DAPK3: variants seen among roughly 807,000 people sequenced by gnomAD.
The protein encoded by DAPK3 is death associated protein kinase 3.
DAPK3 carries 24 observed loss-of-function variants against 30.6 expected under a neutral mutation model. That is an observed-to-expected ratio of 0.78 (90% CI 0.57 to 1.10). The LOEUF (loss-of-function observed/expected upper bound fraction) is 1.10. DAPK3 is among the 50% of genes least tolerant of loss of function. The pLI, the probability that DAPK3 is intolerant of heterozygous loss-of-function variation, is 0.00. For synonymous variants in DAPK3, 341 were observed against 284.0 expected (o/e 1.20, Z -2.02); for missense variants, 629 against 657.3 (o/e 0.96, Z 0.47).
At chr19:3,963,134 A>G (rs923012094) in intron 6 of DAPK3, among the ~76,000 whole-genome samples, 4 of 151,118 alleles carry the variant, frequency 2.6e-5, no homozygotes, top group African/African-American at 7.3e-5. Flanking sequence ...GCATGGGAGC[A>G]TGGTTGTGTG....
chr19:3,964,406 C>G (rs779855582), intron 3 of DAPK3, 33 bp from the exon 4 acceptor site: 5 of 1,594,062 alleles, frequency 3.1e-6, no homozygotes, highest in Non-Finnish European at 4.3e-6. Context: ...AGGGAAAGCA[C>G]GGGCCTCCCC....
Position 3,959,768 on chromosome 19 carries a change from C to T in DAPK3, c.829-131G>A, listed in dbSNP as rs754866233. 5.2e-5 allele frequency: 57 copies of T among 1,091,490 alleles called. 1 individual carries two copies. Among genetic ancestry groups the T allele is most frequent in the Non-Finnish European group, 6.5e-5 (51 of 784,652 alleles). 67.6% of individuals were successfully genotyped at this position (1,091,490 alleles called of 1,614,324 possible). On this transcript the variant is annotated intron_variant, in intron 8 of 8. Coordinates refer to ENST00000545797, the MANE Select transcript of DAPK3 (RefSeq NM_001348.3). ...GTCAACGCCTCGTGACGGAGACTGC[C>T]CAGCCCGACGCAAAGCCGAGAGTGC...
At chr19:3,970,067 ACT>A (rs956518565) in intron 1 of DAPK3, 1 of 335,112 alleles carries the variant, frequency 3.0e-6, no homozygotes, top group Non-Finnish European at 5.5e-6. Flanking sequence ...ACCCCGCAAA[ACT>A]CTCTCCAGAC....
chr19:3,959,972 C>CA, intron 8 of DAPK3, 87 bp downstream of exon 8: 5 of 831,110 alleles, frequency 6.0e-6, no homozygotes, highest in Non-Finnish European at 1.1e-5. Flanking sequence ...GTCACATCCA[C>CA]AAGCCTTAAA....
intron 6 of DAPK3, among the ~76,000 whole-genome samples, chr19:3,962,196 C>A (rs1046001924): frequency 1.3e-5 from 2 of 152,286 alleles, no homozygotes; most frequent in South Asian, 2.1e-4. Context: ...CCAAGGCTAA[C>A]GTCTTGGTGT....
intron 3 of DAPK3, 65 bp downstream of exon 3, chr19:3,964,566 C>CA: frequency 6.8e-7 from 1 of 1,472,324 alleles, no homozygotes; most frequent in Non-Finnish European, 9.1e-7. Flanking sequence ...CTTCCAGGCT[C>CA]TTCCCCGCCC....
chr19:3,961,232 C>A, intron 6 of DAPK3, 71 bp from the exon 7 acceptor site: 1 of 1,298,120 alleles, frequency 7.7e-7, no homozygotes, highest in African/African-American at 1.5e-5. Context: ...CTCCGGCTGC[C>A]CACGACAGGC....
chr19:3,963,864 C>T lies in DAPK3; in HGVS notation c.602+7G>A, dbSNP rs746841543. The T allele has an allele frequency of 5.7e-6, 9 of 1,571,220 alleles. No homozygotes were observed. In the East Asian group the frequency reaches 1.8e-4, roughly 31 times the overall value. On this transcript the variant is annotated splice_region_variant and intron_variant, in intron 5 of 8. Coordinates refer to ENST00000545797, the MANE Select transcript of DAPK3 (RefSeq NM_001348.3). ...GGAGGCCCGGTGGGAGCAGGTGGTA[C>T]ACTCACCACATGTCCGCCTCCAGGC...
intron 3 of DAPK3, 39 bp from the exon 4 acceptor site, chr19:3,964,412 T>TGGC: frequency 1.9e-6 from 3 of 1,539,948 alleles, no homozygotes; most frequent in Non-Finnish European, 1.8e-6. Context: ...AGCACGGGCC[T>TGGC]CCCCCACCCT....
intron 2 of DAPK3, among the ~76,000 whole-genome samples, chr19:3,967,972 A>G (rs2039594892): frequency 6.6e-6 from 1 of 152,150 alleles, no homozygotes; most frequent in African/African-American, 2.4e-5. Context: ...ACAGAAGGCT[A>G]AATACTTTTT....
Position 3,963,887 on chromosome 19 carries a change from G to C in DAPK3, c.586C>G (p.Leu196Val). 1 of 1,603,924 alleles carries C rather than the reference G, an allele frequency of 6.2e-7. No individual in the cohort carries two copies. The highest frequency in any genetic ancestry group is 1.7e-4 in the Middle Eastern group (1 of 6,046). Residue 196 changes from leucine (L) to valine (V), a missense_variant, in exon 5 of 9, where the codon CTG becomes GTG. Physicochemically the swap from Leu to Val is conservative, Grantham distance 32. Around this residue, in one of 2 missense-constraint regions of DAPK3, gnomAD observed 306 missense variants for 378.5 expected, o/e 0.81. Transcript: ENST00000545797. ...PEIVNYEPLG[L>V]EADMWSIGVI... Reference sequence around the variant, plus strand: ...TACACTCACCACATGTCCGCCTCCAGGCCCAGCGGCTCATAGTTCACAATC... The same window carrying C: ...TACACTCACCACATGTCCGCCTCCACGCCCAGCGGCTCATAGTTCACAATC...
Position 3,969,769 on chromosome 19 carries a change from C to T in DAPK3, c.-34G>A. ...GTCCGCCTTCCAGCAGCTTCCACTCCAGGGAAAGTGCAGTCACCGCAGCCT... is the reference window on the plus strand; with the variant it reads ...GTCCGCCTTCCAGCAGCTTCCACTCTAGGGAAAGTGCAGTCACCGCAGCCT... On this transcript the variant is annotated 5_prime_UTR_variant, in exon 2 of 9. Transcript: ENST00000545797. 6.4e-7 allele frequency: 1 copy of T among 1,562,532 alleles called. No individual in the cohort carries two copies. Among genetic ancestry groups the T allele is most frequent in the Non-Finnish European group, 8.8e-7 (1 of 1,136,126 alleles).
chr19:3,965,422 G>A (rs908481008), intron 2 of DAPK3, among the ~76,000 whole-genome samples: 1 of 152,204 alleles, frequency 6.6e-6, no homozygotes, highest in African/African-American at 2.4e-5. Context: ...TTCAAGAGCA[G>A]CCTGGCCAAC....
At chr19:3,970,437 G>A (rs3760895) in intron 1 of DAPK3, among the ~76,000 whole-genome samples, 31,835 of 151,482 alleles carry the variant, frequency 0.21, 3,680 homozygotes, top group African/African-American at 0.3. Context: ...AACCCCTCCT[G>A]GTCCTTGCCC....
At chr19:3,961,494 C>T (rs768877722) in intron 6 of DAPK3, 20 of 539,808 alleles carry the variant, frequency 3.7e-5, no homozygotes, top group African/African-American at 2.3e-4. Flanking sequence ...GTGGGGAGCC[C>T]GAGCCAACAC....
At chr19:3,962,684 T>TG (rs1195474150) in intron 6 of DAPK3, among the ~76,000 whole-genome samples, 1 of 138,066 alleles carries the variant, frequency 7.2e-6, no homozygotes, top group Non-Finnish European at 1.5e-5. Flanking sequence ...GGCTGAGGCA[T>TG]GGGAATCACT....
chr19:3,961,715 G>T, intron 6 of DAPK3: 1 of 352,224 alleles, frequency 2.8e-6, no homozygotes, highest in Non-Finnish European at 5.7e-6. Context: ...GTGAGCACAA[G>T]TCAGGGTCAA....
At position 3,969,810 on chromosome 19, in the gene DAPK3, G is replaced by A; in HGVS notation, c.-75C>T. ...ACCGCAGCCTGGAGATAGGACCTCA[G>A]GAGTCCCCTAATGGCAACCCTGGAG... is the stretch of plus-strand genomic sequence containing the variant. On this transcript the variant is annotated 5_prime_UTR_variant, in exon 2 of 9. Transcript: ENST00000545797. The A allele has an allele frequency of 1.9e-6, 2 of 1,049,524 alleles. No individual in the cohort carries two copies. The highest frequency in any genetic ancestry group is 3.0e-6 in the Non-Finnish European group (2 of 676,058). The allele number at this position is 1,049,524 out of a possible 1,614,324, so 65.0% of individuals were successfully genotyped here. A position where few individuals can be genotyped will look rare whatever the true frequency, so the allele number is the denominator to read the frequency against.
chr19:3,968,833 G>A (rs1173534810), intron 2 of DAPK3, among the ~76,000 whole-genome samples: 1 of 152,148 alleles, frequency 6.6e-6, no homozygotes, highest in Non-Finnish European at 1.5e-5. Context: ...CTCCAGGGAG[G>A]CTGGCCAGTA....
Sources: allele counts gnomAD v4.1 joint callset (sites outside exome capture counted in the v4.1 genomes callset), GRCh38; gene constraint gnomAD v4.1.1; regional missense constraint gnomAD v4.1.1; transcripts MANE v1.5; gene names NCBI Gene and HGNC (gene_info 2026-07-23, HGNC 2026-07-21).